The following GRIN2A variants were observed in gnomAD, a reference collection of about 807,000 sequenced individuals.
GRIN2A encodes glutamate ionotropic receptor NMDA type subunit 2A, also known as glutamate receptor ionotropic, NMDA 2A.
A neutral mutation model predicts 113.4 loss-of-function variants in GRIN2A; 22 were observed. The observed-to-expected ratio is 0.19, with a 90% confidence interval of 0.14 to 0.28. The LOEUF is 0.28. Among genes scored for constraint, GRIN2A ranks in the 10% least tolerant of loss-of-function variants. The pLI is 1.00. For synonymous variants in GRIN2A, 827 were observed against 738.4 expected (o/e 1.12, Z -1.94); for missense variants, 1,502 against 1,887.0 (o/e 0.80, Z 3.78).
At chr16:9,943,663 G>A (rs1360366677) in intron 2 of GRIN2A, among the ~76,000 whole-genome samples, 1 of 151,910 alleles carries the variant, frequency 6.6e-6, no homozygotes, top group Non-Finnish European at 1.5e-5. Context: ...AAAGACACAG[G>A]ATGAGAGGTT....
chr16:9,983,184 T>G lies in GRIN2A; in HGVS notation c.415-44633A>C, dbSNP rs140695255. ...AATATATTTTTAACTATGGTCATCC[T>G]ACAGTGTGATAGAATACTAGAACCT... On this transcript the variant is annotated intron_variant, in intron 2 of 12. Transcript: ENST00000330684. 1.5e-3 allele frequency among the ~76,000 whole-genome samples: 223 copies of G among 152,348 alleles called. 3 individuals carry two copies. The highest frequency in any genetic ancestry group is 5.2e-3 in the African/African-American group (218 of 41,586).
chr16:9,832,869 C>T (rs556943151), intron 8 of GRIN2A, among the ~76,000 whole-genome samples: 108 of 152,172 alleles, frequency 7.1e-4, no homozygotes, highest in African/African-American at 2.3e-3. Context: ...GTGGTAATCA[C>T]CACTCTTCAA....
intron 2 of GRIN2A, among the ~76,000 whole-genome samples, chr16:10,008,736 G>T (rs137919133): frequency 6.6e-6 from 1 of 152,250 alleles, no homozygotes; most frequent in African/African-American, 2.4e-5. Context: ...GAAGGGAATT[G>T]GTCACATCCA....
At chr16:9,943,662 G>A (rs2044945380) in intron 2 of GRIN2A, among the ~76,000 whole-genome samples, 1 of 152,202 alleles carries the variant, frequency 6.6e-6, no homozygotes, top group South Asian at 2.1e-4. Context: ...TAAAGACACA[G>A]GATGAGAGGT....
At chr16:9,852,615 G>T (rs1018659862) in intron 4 of GRIN2A, among the ~76,000 whole-genome samples, 5 of 152,152 alleles carry the variant, frequency 3.3e-5, no homozygotes, top group Admixed American at 2.6e-4. Context: ...GAGAGAACTC[G>T]ATCAGGAGCT....
At position 10,168,535 on chromosome 16, in the gene GRIN2A, C is replaced by T. The variant is rs1245778296; in HGVS notation, c.414+11463G>A. Among the ~76,000 whole-genome samples, 3 of 152,306 alleles carry T rather than the reference C, an allele frequency of 2.0e-5. No individual in the cohort carries two copies. The East Asian group carries it at 5.8e-4, about 29-fold the overall frequency. Reference sequence around the variant, plus strand: ...TGCAAGCCCAATTTTCCACCTCATTCCTGAGGGACAGACAGTCACTGTTAG... The same window carrying T: ...TGCAAGCCCAATTTTCCACCTCATTTCTGAGGGACAGACAGTCACTGTTAG... On this transcript the variant is annotated intron_variant, in intron 2 of 12. Transcript: ENST00000330684.
chr16:10,065,178 G>C (rs532949565), intron 2 of GRIN2A, among the ~76,000 whole-genome samples: 134 of 152,226 alleles, frequency 8.8e-4, no homozygotes, highest in Non-Finnish European at 1.5e-3. Flanking sequence ...AAGGTACCTC[G>C]CCTGCCTGGC....
chr16:9,943,221 C>T (rs756815501), intron 2 of GRIN2A: 5 of 152,348 alleles, frequency 3.3e-5, no homozygotes, highest in Non-Finnish European at 7.3e-5. Context: ...GAATGTGCAG[C>T]TGGGGGAGAG....
chr16:10,121,833 T>G (rs79146931), intron 2 of GRIN2A, among the ~76,000 whole-genome samples: 13,019 of 152,268 alleles, frequency 0.086, 624 homozygotes, highest in Non-Finnish European at 0.11. Flanking sequence ...TACTTTAATA[T>G]AGCACTGGCC....
intron 4 of GRIN2A, among the ~76,000 whole-genome samples, chr16:9,872,004 T>C (rs2043270959): frequency 6.6e-6 from 1 of 152,174 alleles, no homozygotes; most frequent in Admixed American, 6.5e-5. Flanking sequence ...TCCTTAGACT[T>C]CTCATTTATA....
At chr16:10,124,869 G>A (rs1038695969) in intron 2 of GRIN2A, among the ~76,000 whole-genome samples, 3 of 152,168 alleles carry the variant, frequency 2.0e-5, no homozygotes, top group South Asian at 2.1e-4. Context: ...GGACTGTCAC[G>A]AAGCCCTCTC....
intron 2 of GRIN2A, among the ~76,000 whole-genome samples, chr16:10,137,072 A>C (rs2049209126): frequency 6.6e-6 from 1 of 152,174 alleles, no homozygotes; most frequent in Non-Finnish European, 1.5e-5. Flanking sequence ...GCTTATCCAC[A>C]AATCCCTACC....
rs978555663 is a variant in GRIN2A, at chr16:10,001,835, G to A, written c.415-63284C>T. The stretch of plus-strand genomic sequence containing the variant: ...CATAAGAAAAAAGAGCAAATTTGAG[G>A]AGAGACAAATAAAATGTCCACCACA... On this transcript the variant is annotated intron_variant, in intron 2 of 12. Coordinates refer to ENST00000330684, the MANE Select transcript of GRIN2A (RefSeq NM_001134407.3). Among the ~76,000 whole-genome samples the A allele has an allele frequency of 6.6e-5, 10 of 152,132 alleles. No homozygotes were observed. The East Asian group carries it at 1.3e-3, about 20-fold the overall frequency.
intron 2 of GRIN2A, among the ~76,000 whole-genome samples, chr16:9,983,188 G>A (rs1175114630): frequency 6.6e-6 from 1 of 152,122 alleles, no homozygotes; most frequent in Non-Finnish European, 1.5e-5. Context: ...TCATCCTACA[G>A]TGTGATAGAA....
At chr16:10,168,139 G>T (rs538481526) in intron 2 of GRIN2A, among the ~76,000 whole-genome samples, 2 of 152,200 alleles carry the variant, frequency 1.3e-5, no homozygotes, top group African/African-American at 2.4e-5. Flanking sequence ...CTGTAGATGA[G>T]CTTCTTAGCC....
intron 2 of GRIN2A, among the ~76,000 whole-genome samples, chr16:10,059,388 G>C (rs182251467): frequency 2.0e-5 from 3 of 149,372 alleles, no homozygotes; most frequent in African/African-American, 7.7e-5. Flanking sequence ...CCAAGTAAGA[G>C]AGTGGTGACT....
At chr16:9,915,434 A>G (rs901118536) in intron 3 of GRIN2A, among the ~76,000 whole-genome samples, 2 of 152,236 alleles carry the variant, frequency 1.3e-5, no homozygotes, top group African/African-American at 4.8e-5. Context: ...GGTAGAAAAT[A>G]CATACAAACA....
intron 11 of GRIN2A, among the ~76,000 whole-genome samples, chr16:9,777,878 A>G (rs1486141682): frequency 6.6e-6 from 1 of 152,232 alleles, no homozygotes; most frequent in Non-Finnish European, 1.5e-5. Context: ...GGCCTGGCCA[A>G]CATGGTGAAA....
chr16:9,762,659 C>T lies in GRIN2A; in HGVS notation c.*490G>A, dbSNP rs9937910. 9.2e-3 allele frequency: 2,316 copies of T among 250,696 alleles called. 56 individuals are homozygous for T. The highest frequency in any genetic ancestry group is 0.045 in the African/African-American group (2,046 of 45,568). 15.5% of individuals were successfully genotyped at this position (250,696 alleles called of 1,614,324 possible). On this transcript the variant is annotated 3_prime_UTR_variant, in exon 13 of 13. Transcript: ENST00000330684. ...TTCCTAATCTCTTGCACATGTCAAT[C>T]GCACTACAGTGCAGATGCATTCTTA...
Sources: gnomAD v4.1 joint callset for allele counts (sites outside exome capture counted in the v4.1 genomes callset) on GRCh38, gnomAD v4.1.1 for gene constraint, MANE v1.5 for transcripts, NCBI Gene and HGNC (gene_info 2026-07-23, HGNC 2026-07-21) for gene names.